LCN12: variants seen among roughly 807,000 people sequenced by gnomAD.
LCN12 encodes the protein epididymal-specific lipocalin-12.
Under a neutral mutation model 23.7 loss-of-function variants are expected in LCN12, and 15 were observed. The ratio of observed to expected loss-of-function variants is 0.63; its 90% CI spans 0.42 to 0.97. The LOEUF (loss-of-function observed/expected upper bound fraction) is 0.97. LCN12 is among the 50% of genes least tolerant of loss of function. The pLI, the probability that LCN12 is intolerant of heterozygous loss-of-function variation, is 0.00. For missense variants in LCN12, 219 were observed against 249.6 expected, an observed-to-expected ratio of 0.88 and a Z score of 0.83; for synonymous variants, 116 against 111.5, an observed-to-expected ratio of 1.04 and a Z score of -0.25.
chr9:136,950,917 C>T (rs1464267747), upstream of LCN12, among the ~76,000 whole-genome samples: 1 of 144,928 alleles, frequency 6.9e-6, no homozygotes, highest in Non-Finnish European at 1.6e-5. Context: ...GCCCAGGGCA[C>T]CTCCTGGGAT....
At chr9:136,954,538 C>G (rs1416953022) in intron 5 of LCN12, 6 of 480,988 alleles carry the variant, frequency 1.2e-5, no homozygotes, top group Non-Finnish European at 2.4e-5. Flanking sequence ...CCACCTCCCC[C>G]TGCCCCTCCC....
In LCN12 at chr9:136,955,131, C is replaced by T. The variant is rs1375251604; in HGVS notation, c.551-240C>T. On this transcript the variant is annotated intron_variant, in intron 5 of 5. Transcript: ENST00000371633. ...GTCTGGGGGCCCATGGGGACAGGGA[C>T]AGGTGAGGGGCTTCCTGAGGACCTG... is the stretch of plus-strand genomic sequence containing the variant. The T allele has an allele frequency of 1.2e-5, 17 of 1,417,866 alleles. 1 individual carries two copies. The highest frequency in any genetic ancestry group is 6.0e-5 in the Admixed American group (2 of 33,206). The allele number at this position is 1,417,866 out of a possible 1,614,324, so 87.8% of individuals were successfully genotyped here.
intron 5 of LCN12, chr9:136,955,005 G>A (rs1851290148): frequency 7.4e-7 from 1 of 1,355,092 alleles, no homozygotes; most frequent in Non-Finnish European, 9.6e-7. Context: ...ACTCACACTG[G>A]CACACATGCT....
upstream of LCN12, among the ~76,000 whole-genome samples, chr9:136,951,680 T>A (rs541022034): frequency 2.1e-3 from 318 of 152,338 alleles, 1 homozygote; most frequent in African/African-American, 7.1e-3. Context: ...CTCACCAGGT[T>A]GCCTGGGTGC....
In LCN12 at chr9:136,955,424, C is replaced by G. The variant is rs1851300861; in HGVS notation, c.*25C>G. On this transcript the variant is annotated 3_prime_UTR_variant, in exon 6 of 6. Transcript: ENST00000371633. ...AAGGATGAAGCAGCTCCTGTCCGGCCCAGCCCTGCCTCACAGCTGTGCGAG... is the reference window on the plus strand; with the variant it reads ...AAGGATGAAGCAGCTCCTGTCCGGCGCAGCCCTGCCTCACAGCTGTGCGAG... The G allele has an allele frequency of 6.2e-7, 1 of 1,608,814 alleles. No individual in the cohort carries two copies. Among genetic ancestry groups the G allele is most frequent in the Admixed American group, 1.7e-5 (1 of 59,968 alleles).
At chr9:136,950,235 G>T (rs994285551), upstream of LCN12, among the ~76,000 whole-genome samples, 7 of 152,216 alleles carry the variant, frequency 4.6e-5, no homozygotes, top group African/African-American at 1.4e-4. Flanking sequence ...ACCCATTGTC[G>T]TGTCCGGGAG....
chr9:136,950,075 C>G (rs1448340775), upstream of LCN12, among the ~76,000 whole-genome samples: 2 of 152,356 alleles, frequency 1.3e-5, no homozygotes, highest in Admixed American at 1.3e-4. Context: ...CCTGCACGGC[C>G]CGTTCCAGCG....
intron 2 of LCN12, 128 bp from the exon 3 acceptor site, chr9:136,953,572 C>T (rs1477888861): frequency 3.1e-6 from 2 of 635,368 alleles, no homozygotes; most frequent in Non-Finnish European, 5.5e-6. Flanking sequence ...ACCATCTCCA[C>T]TCATGACGCT....
chr9:136,956,315 C>A (rs1851317691), downstream of LCN12, among the ~76,000 whole-genome samples: 1 of 152,206 alleles, frequency 6.6e-6, no homozygotes, highest in Non-Finnish European at 1.5e-5. Context: ...ACCAGGAGCA[C>A]CCCGCTACTC....
chr9:136,952,849 CA>C, intron 1 of LCN12, 42 bp from the exon 2 acceptor site: 7 of 1,591,500 alleles, frequency 4.4e-6, no homozygotes, highest in Non-Finnish European at 6.0e-6. Flanking sequence ...TGCCCACTGC[CA>C]CCCCTGCCCA....
At chr9:136,952,245 T>C (rs1458466175), upstream of LCN12, 2 of 932,986 alleles carry the variant, frequency 2.1e-6, no homozygotes, top group Non-Finnish European at 3.4e-6. Context: ...CTGCTGGGTA[T>C]GTGCATGAAG....
At chr9:136,955,683 T>G (rs1229669675), downstream of LCN12, among the ~76,000 whole-genome samples, 1 of 152,208 alleles carries the variant, frequency 6.6e-6, no homozygotes, top group Non-Finnish European at 1.5e-5. Context: ...GCATGAGTCT[T>G]TGCCCATGGT....
At position 136,953,670 on chromosome 9, in the gene LCN12, C is replaced by G. The variant is rs374461198; in HGVS notation, c.252-30C>G. ...AGCATGGACCTGCCAGCTTCCGGAGCCTTCCGCCTCCACCTGTCCCCTCCT... is the reference window on the plus strand; with the variant it reads ...AGCATGGACCTGCCAGCTTCCGGAGGCTTCCGCCTCCACCTGTCCCCTCCT... On this transcript the variant is annotated intron_variant, in intron 2 of 5. Transcript: ENST00000371633. 1.7e-5 allele frequency: 25 copies of G among 1,504,438 alleles called. No individual in the cohort carries two copies. The Admixed American group carries it at 5.3e-4, about 32-fold the overall frequency. The allele number at this position is 1,504,438 out of a possible 1,614,324, so 93.2% of individuals were successfully genotyped here.
rs960204810 is a variant in LCN12 at position 136,952,549 on chromosome 9, G to A, written c.114+108G>A. The A allele has an allele frequency of 5.1e-5, 41 of 811,320 alleles. No individual in the cohort carries two copies. The South Asian group carries it at 6.2e-4, about 12-fold the overall frequency. 50.3% of individuals were successfully genotyped at this position (811,320 alleles called of 1,614,324 possible). A position where few individuals can be genotyped will look rare whatever the true frequency, so the allele number is the denominator to read the frequency against. ...GCTGCCCAGAGAGCCAGGACCAGCC[G>A]TGCTTCCAGGAGCCCCCAGGCGGGC... is the stretch of plus-strand genomic sequence containing the variant. On this transcript the variant is annotated intron_variant, in intron 1 of 5. Transcript: ENST00000371633.
intron 4 of LCN12, 71 bp downstream of exon 4, chr9:136,954,035 C>T: frequency 6.4e-7 from 1 of 1,569,946 alleles, no homozygotes; most frequent in Non-Finnish European, 8.6e-7. Flanking sequence ...TTGGGTCAGA[C>T]CCTGCCTCCC....
intron 5 of LCN12, 173 bp from the exon 6 acceptor site, chr9:136,955,198 C>T (rs1339755647): frequency 1.4e-6 from 2 of 1,421,434 alleles, no homozygotes; most frequent in Non-Finnish European, 1.8e-6. Context: ...TCTGCCCCTT[C>T]TCAGCCTCCC....
At chr9:136,954,314 T>A in intron 5 of LCN12, 59 bp downstream of exon 5, 2 of 1,530,798 alleles carry the variant, frequency 1.3e-6, no homozygotes, top group Non-Finnish European at 1.8e-6. Flanking sequence ...CAGGAATGAG[T>A]TTGGTTGACC....
At chr9:136,953,475 C>T (rs1024630522) in intron 2 of LCN12, 3 of 540,720 alleles carry the variant, frequency 5.5e-6, no homozygotes, top group Non-Finnish European at 9.9e-6. Flanking sequence ...GTGGCGCACA[C>T]CTGTAATCCC....
chr9:136,953,825 A>T (rs751113526), intron 3 of LCN12, 23 bp from the exon 4 acceptor site: 2 of 1,597,184 alleles, frequency 1.3e-6, no homozygotes, highest in South Asian at 1.1e-5. Flanking sequence ...GCCCACAGGG[A>T]TGTGACGTCT....
Sources: allele counts gnomAD v4.1 joint callset (sites outside exome capture counted in the v4.1 genomes callset), GRCh38; gene constraint gnomAD v4.1.1; transcripts MANE v1.5; gene names NCBI Gene and HGNC (gene_info 2026-07-23, HGNC 2026-07-21).